The following SOX5 variants were observed in gnomAD, a reference collection of about 807,000 sequenced individuals.
SOX5 encodes the protein SRY-box transcription factor 5, also known as transcription factor SOX-5.
SOX5 carries 9 observed loss-of-function variants against 92.0 expected under a neutral mutation model. That is an observed-to-expected ratio of 0.10 (90% CI 0.06 to 0.17). The LOEUF (loss-of-function observed/expected upper bound fraction) is 0.17, where lower values mean the gene tolerates loss of function less well. SOX5 is among the 10% of genes least tolerant of loss of function. The probability of loss-of-function intolerance (pLI) is 1.00; values close to 1 mark genes in which losing one functional copy is unlikely to be tolerated. For missense variants in SOX5, 642 were observed against 944.5 expected, an observed-to-expected ratio of 0.68 and a Z score of 4.20; for synonymous variants, 344 against 336.3, an observed-to-expected ratio of 1.02 and a Z score of -0.25.
At chr12:24,303,356 T>A (rs745789514) in intron 2 of SOX5, among the ~76,000 whole-genome samples, 1 of 151,784 alleles carries the variant, frequency 6.6e-6, no homozygotes, top group Non-Finnish European at 1.5e-5. Context: ...ACGTTAGACA[T>A]CATGTTCATA....
At chr12:24,227,585 C>T (rs1479526850) in intron 3 of SOX5, 2 of 152,116 alleles carry the variant, frequency 1.3e-5, no homozygotes, top group South Asian at 2.1e-4. Context: ...ATACAAATAC[C>T]TGATTCACCT....
intron 4 of SOX5, among the ~76,000 whole-genome samples, chr12:24,121,512 A>T (rs968686278): frequency 2.0e-5 from 3 of 151,882 alleles, no homozygotes; most frequent in South Asian, 2.1e-4. Flanking sequence ...CTGATGCTTT[A>T]CAGAAGTTTA....
chr12:23,553,723 A>G (rs1201605170), intron 11 of SOX5, among the ~76,000 whole-genome samples: 1 of 152,056 alleles, frequency 6.6e-6, no homozygotes. Context: ...AAAATAATAC[A>G]ATTTGCAACC....
chr12:24,131,756 T>C (rs540268408), intron 4 of SOX5, among the ~76,000 whole-genome samples: 25 of 152,290 alleles, frequency 1.6e-4, no homozygotes, highest in Middle Eastern at 6.8e-3. Context: ...GTGATTGCCA[T>C]GTGTAGGCTA....
intron 4 of SOX5, among the ~76,000 whole-genome samples, chr12:23,985,673 T>C (rs79716999): frequency 6.7e-6 from 1 of 149,994 alleles, no homozygotes; most frequent in Non-Finnish European, 1.5e-5. Context: ...TTTTTTTTTT[T>C]CCAAGAGGAA....
chr12:24,089,997 G>A (rs770711674), intron 4 of SOX5, among the ~76,000 whole-genome samples: 5 of 151,912 alleles, frequency 3.3e-5, no homozygotes, highest in Non-Finnish European at 7.4e-5. Context: ...GAATCAATAC[G>A]TAAGACCACG....
chr12:23,851,973 G>C (rs1409439250), intron 2 of SOX5, among the ~76,000 whole-genome samples: 1 of 152,108 alleles, frequency 6.6e-6, no homozygotes, highest in Non-Finnish European at 1.5e-5. Flanking sequence ...CAGCGGCTAG[G>C]TTGGTATGTA....
At chr12:23,755,377 A>G (rs1466314049) in intron 4 of SOX5, among the ~76,000 whole-genome samples, 1 of 151,832 alleles carries the variant, frequency 6.6e-6, no homozygotes, top group East Asian at 1.9e-4. Context: ...TTTAATTTTA[A>G]TGATGAAAAT....
In SOX5 at chr12:24,493,878, T is replaced by A. The variant is rs886519670; in HGVS notation, c.-251+68451A>T. On this transcript the variant is annotated intron_variant, in intron 1 of 4. Transcript: ENST00000446891. The stretch of plus-strand genomic sequence containing the variant: ...GACTCCATCTCAAAAAAAAAAAAAA[T>A]AGTTTGTTTTTAAAAAGTCAGTATA... Among the ~76,000 whole-genome samples the A allele has an allele frequency of 8.1e-5, 12 of 148,510 alleles. No individual in the cohort carries two copies. In the East Asian group the frequency reaches 2.0e-3, roughly 25 times the overall value.
intron 1 of SOX5, among the ~76,000 whole-genome samples, chr12:24,513,769 G>T: frequency 6.6e-6 from 1 of 152,166 alleles, no homozygotes; most frequent in African/African-American, 2.4e-5. Context: ...CTCTCACAGT[G>T]TCACAATAAG....
chr12:23,826,524 T>G (rs990003153), intron 3 of SOX5, among the ~76,000 whole-genome samples: 2 of 152,154 alleles, frequency 1.3e-5, no homozygotes, highest in Non-Finnish European at 2.9e-5. Flanking sequence ...TTTCTCTCCC[T>G]GAAAGCTGGA....
At chr12:23,612,029 T>C (rs1484048712) in intron 8 of SOX5, among the ~76,000 whole-genome samples, 1 of 152,120 alleles carries the variant, frequency 6.6e-6, no homozygotes, top group Non-Finnish European at 1.5e-5. Context: ...CTTTTTACAC[T>C]GTTATTATCT....
chr12:24,525,602 T>C (rs1950631816), intron 1 of SOX5, among the ~76,000 whole-genome samples: 2 of 151,976 alleles, frequency 1.3e-5, no homozygotes, highest in Non-Finnish European at 2.9e-5. Flanking sequence ...CCGGGCGTGG[T>C]GGCTCACGCC....
intron 1 of SOX5, among the ~76,000 whole-genome samples, chr12:24,388,871 G>T (rs1439429165): frequency 2.0e-5 from 3 of 152,070 alleles, no homozygotes; most frequent in Non-Finnish European, 4.4e-5. Context: ...TACAACACGT[G>T]TTCTCTCTTG....
intron 1 of SOX5, among the ~76,000 whole-genome samples, chr12:24,426,225 A>AC (rs1276999787): frequency 3.9e-5 from 6 of 152,016 alleles, no homozygotes; most frequent in South Asian, 4.2e-4. Context: ...AAACAAACAA[A>AC]AAAAACACTG....
intron 6 of SOX5, among the ~76,000 whole-genome samples, chr12:23,669,679 A>G (rs2084429433): frequency 1.3e-5 from 2 of 151,264 alleles, no homozygotes; most frequent in African/African-American, 4.8e-5. Flanking sequence ...TTAAGAAAAA[A>G]AATTGCAGTA....
intron 3 of SOX5, among the ~76,000 whole-genome samples, chr12:24,247,691 C>A (rs1939142110): frequency 6.8e-6 from 1 of 148,032 alleles, no homozygotes; most frequent in African/African-American, 2.5e-5. Flanking sequence ...TGCTCTGTCA[C>A]CCAGGCTGGA....
At chr12:23,755,001 G>A (rs12315469) in intron 4 of SOX5, among the ~76,000 whole-genome samples, 11,282 of 151,714 alleles carry the variant, frequency 0.074, 1,403 homozygotes, top group African/African-American at 0.26. Context: ...TGCCTACTGT[G>A]TTTTGAGAAA....
chr12:24,006,373 G>A (rs1292444359), intron 4 of SOX5, among the ~76,000 whole-genome samples: 2 of 152,160 alleles, frequency 1.3e-5, no homozygotes, highest in African/African-American at 2.4e-5. Context: ...GTCCTTACTT[G>A]TGGGGTTCCA....
Sources: allele counts gnomAD v4.1 joint callset (sites outside exome capture counted in the v4.1 genomes callset), GRCh38; gene constraint gnomAD v4.1.1; transcripts MANE v1.5; gene names NCBI Gene and HGNC (gene_info 2026-07-23, HGNC 2026-07-21).